Variants in ABCC5 observed in about 807,000 individuals in gnomAD.
ABCC5 encodes ATP-binding cassette sub-family C member 5.
In ABCC5, 61 loss-of-function variants were observed where a neutral mutation model predicts 160.9. That is an observed-to-expected ratio of 0.38 (90% CI 0.31 to 0.47). The LOEUF (loss-of-function observed/expected upper bound fraction) is 0.47, where lower values mean the gene tolerates loss of function less well. Ranked by LOEUF, ABCC5 falls within the 20% of genes least tolerant of loss-of-function variation. ABCC5 has a pLI of 0.99. For synonymous variants in ABCC5, 666 were observed against 700.6 expected (o/e 0.95, Z 0.78); for missense variants, 1,308 against 1,813.3 (o/e 0.72, Z 5.06).
At chr3:183,989,776 T>C (rs1719578360) in intron 2 of ABCC5, among the ~76,000 whole-genome samples, 1 of 152,124 alleles carries the variant, frequency 6.6e-6, no homozygotes, top group Non-Finnish European at 1.5e-5. Flanking sequence ...TTAACTGAAG[T>C]CCATAGGTTA....
At chr3:184,005,224 TG>T (rs1349873093) in intron 2 of ABCC5, among the ~76,000 whole-genome samples, 1 of 152,142 alleles carries the variant, frequency 6.6e-6, no homozygotes, top group African/African-American at 2.4e-5. Context: ...AAATGGGGAC[TG>T]GGCAAGACGG....
intron 2 of ABCC5, among the ~76,000 whole-genome samples, chr3:184,000,218 C>G (rs1349596873): frequency 6.6e-6 from 1 of 151,844 alleles, no homozygotes; most frequent in African/African-American, 2.4e-5. Context: ...AAAAGGGACA[C>G]CGTTAGCCCC....
intron 10 of ABCC5, among the ~76,000 whole-genome samples, chr3:183,975,888 C>T (rs1660072030): frequency 6.6e-6 from 1 of 151,980 alleles, no homozygotes; most frequent in African/African-American, 2.4e-5. Context: ...TGAGAGCCCT[C>T]GAAAAACAAG....
chr3:183,977,339 C>G (rs1262446592), intron 10 of ABCC5, among the ~76,000 whole-genome samples, 178 bp downstream of exon 10: 1 of 152,210 alleles, frequency 6.6e-6, no homozygotes, highest in Non-Finnish European at 1.5e-5. Flanking sequence ...AAAAAGGTGA[C>G]AAGTCTCATC....
At position 183,921,289 on chromosome 3, in the gene ABCC5, A is replaced by G; in HGVS notation, c.*11T>C. ...GCTCTAAAGAAAAGAGACTTCGTCA[A>G]CAGGGAGGAGTCAGCCCTTGACAGC... On this transcript the variant is annotated 3_prime_UTR_variant, in exon 30 of 30. Coordinates refer to ENST00000334444, the MANE Select transcript of ABCC5 (RefSeq NM_005688.4). The surrounding 1 kb of genome is among the most constrained non-coding windows in gnomAD (Gnocchi z 4.1). 6.8e-7 allele frequency: 1 copy of G among 1,471,456 alleles called. No homozygotes were observed. The highest frequency in any genetic ancestry group is 9.5e-7 in the Non-Finnish European group (1 of 1,057,296). 91.1% of individuals were successfully genotyped at this position (1,471,456 alleles called of 1,614,324 possible).
intron 24 of ABCC5, among the ~76,000 whole-genome samples, chr3:183,943,628 A>T (rs1714567241): frequency 6.6e-6 from 1 of 152,050 alleles, no homozygotes; most frequent in African/African-American, 2.4e-5. Flanking sequence ...ATATAGCCTT[A>T]TGGGGGGAAG....
At chr3:183,942,704 A>C in intron 25 of ABCC5, 23 bp downstream of exon 25, 1 of 1,606,524 alleles carries the variant, frequency 6.2e-7, no homozygotes, top group Non-Finnish European at 8.5e-7. Context: ...AATGGATTCA[A>C]AGAAGGCTTT....
At chr3:183,930,766 G>T (rs558801175) in intron 26 of ABCC5, among the ~76,000 whole-genome samples, 1 of 152,178 alleles carries the variant, frequency 6.6e-6, no homozygotes, top group African/African-American at 2.4e-5. Context: ...TGGCCCAAAT[G>T]ACACTTTGAT....
rs1035647598 is a variant in ABCC5, at chr3:183,950,150, G to A, written c.2945-25C>T. The A allele has an allele frequency of 1.7e-5, 27 of 1,581,214 alleles. No individual in the cohort carries two copies. The Admixed American group carries it at 1.8e-4, about 10-fold the overall frequency. On this transcript the variant is annotated intron_variant, in intron 20 of 29. Coordinates refer to ENST00000334444, the MANE Select transcript of ABCC5 (RefSeq NM_005688.4). Reference sequence around the variant, plus strand: ...ACTGTGGAAACAAATAAAGGAGCAAGTGTCAGATGGTTTGGAAAAATGGAA... The same window carrying A: ...ACTGTGGAAACAAATAAAGGAGCAAATGTCAGATGGTTTGGAAAAATGGAA...
intron 11 of ABCC5, among the ~76,000 whole-genome samples, chr3:183,968,760 G>A (rs1346014425): frequency 2.0e-5 from 3 of 152,164 alleles, no homozygotes; most frequent in African/African-American, 7.2e-5. Context: ...AAGGGAGAGT[G>A]GTAGTGTGGA....
At chr3:184,012,241 G>T (rs993685190) in intron 2 of ABCC5, among the ~76,000 whole-genome samples, 23 of 147,032 alleles carry the variant, frequency 1.6e-4, no homozygotes, top group Admixed American at 4.8e-4. Flanking sequence ...AAATAAAAAG[G>T]TTTTTTTTTT....
rs781462439 is a variant in ABCC5, at chr3:183,987,724, G to A, written c.591+46C>T. 6 of 1,613,226 alleles carry A rather than the reference G, an allele frequency of 3.7e-6. No individual in the cohort carries two copies. Among genetic ancestry groups the A allele is most frequent in the East Asian group, 2.2e-5 (1 of 44,840 alleles). On this transcript the variant is annotated intron_variant, in intron 5 of 29. Coordinates refer to ENST00000334444, the MANE Select transcript of ABCC5 (RefSeq NM_005688.4). This position sits in a 1 kb window ranked among gnomAD's most constrained non-coding sequence, Gnocchi z 4.2. ...CAGAATAAGAGTGTTAGAGCTGGCC[G>A]TGGCCGGGCCCCTGGAGACTGTCGG...
intron 26 of ABCC5, among the ~76,000 whole-genome samples, chr3:183,931,324 C>CTTTT (rs61449343): frequency 7.6e-6 from 1 of 131,530 alleles, no homozygotes; most frequent in Admixed American, 7.8e-5. Flanking sequence ...ACAGGCTTAA[C>CTTTT]TTTTTTTTTT....
chr3:183,954,338 G>A (rs554942610), intron 17 of ABCC5, among the ~76,000 whole-genome samples: 5 of 152,086 alleles, frequency 3.3e-5, no homozygotes, highest in Admixed American at 6.5e-5. Flanking sequence ...TAGTAGAGAC[G>A]AGGTTTCACC....
chr3:183,984,853 C>T (rs1268359408), intron 5 of ABCC5: 1 of 1,587,422 alleles, frequency 6.3e-7, no homozygotes, highest in South Asian at 1.1e-5. Flanking sequence ...GAAGCCTGTT[C>T]CCACACACCT....
intron 2 of ABCC5, among the ~76,000 whole-genome samples, chr3:183,991,258 C>T (rs1200953094): frequency 6.6e-6 from 1 of 151,670 alleles, no homozygotes; most frequent in Non-Finnish European, 1.5e-5. Flanking sequence ...GATCGTACCA[C>T]TGCACTCCAG....
Position 183,921,454 on chromosome 3 carries a change from T to G in ABCC5, c.4213-53A>C. The G allele has an allele frequency of 6.4e-7, 1 of 1,556,328 alleles. No homozygotes were observed. Among genetic ancestry groups the G allele is most frequent in the Non-Finnish European group, 8.7e-7 (1 of 1,147,258 alleles). On this transcript the variant is annotated intron_variant, in intron 29 of 29. Coordinates refer to ENST00000334444, the MANE Select transcript of ABCC5 (RefSeq NM_005688.4). This position sits in a 1 kb window ranked among gnomAD's most constrained non-coding sequence, Gnocchi z 4.1. ...CACAGCTCTGGGTCATGCAGGGTGATTCAGAGGATCCACGGCTCAGTAAGT... is the reference window on the plus strand; with the variant it reads ...CACAGCTCTGGGTCATGCAGGGTGAGTCAGAGGATCCACGGCTCAGTAAGT...
In ABCC5 at chr3:183,965,162, G is replaced by C. The variant is rs764211721; in HGVS notation, c.2031+23C>G. ...AGCTCTGCCACTCTGCTAAATGCCT[G>C]GTCAGGGGCGGAAGGCCTGTACCTC... On this transcript the variant is annotated intron_variant, in intron 14 of 29. Coordinates refer to ENST00000334444, the MANE Select transcript of ABCC5 (RefSeq NM_005688.4). 1.9e-6 allele frequency: 3 copies of C among 1,612,982 alleles called. 1 individual carries two copies. In the South Asian group the frequency reaches 3.3e-5, roughly 18 times the overall value.
At chr3:183,975,705 G>A (rs1465676008) in intron 10 of ABCC5, among the ~76,000 whole-genome samples, 1 of 151,946 alleles carries the variant, frequency 6.6e-6, no homozygotes, top group Non-Finnish European at 1.5e-5. Flanking sequence ...GAAAAAAAGA[G>A]ACTGAGACCA....
Sources: allele counts gnomAD v4.1 joint callset (sites outside exome capture counted in the v4.1 genomes callset), GRCh38; gene constraint gnomAD v4.1.1; non-coding constraint Gnocchi (gnomAD v3.1); transcripts MANE v1.5; gene names NCBI Gene and HGNC (gene_info 2026-07-23, HGNC 2026-07-21).